The following ADAMTSL1 variants were observed in gnomAD, a reference collection of about 807,000 sequenced individuals.
The protein encoded by ADAMTSL1 is ADAMTS like 1, also known as ADAMTS-like protein 1.
ADAMTSL1 carries 126 observed loss-of-function variants against 201.8 expected under a neutral mutation model. The observed-to-expected ratio is 0.62, with a 90% CI of 0.54 to 0.72. The LOEUF (loss-of-function observed/expected upper bound fraction) is 0.72. Among genes scored for constraint, ADAMTSL1 ranks in the 30% least tolerant of loss-of-function variants. The pLI is 0.00. For synonymous variants in ADAMTSL1, 1,121 were observed against 903.4 expected, an observed-to-expected ratio of 1.24 and a Z score of -4.32; for missense variants, 2,679 against 2,277.8, an observed-to-expected ratio of 1.18 and a Z score of -3.59.
intron 2 of ADAMTSL1, among the ~76,000 whole-genome samples, chr9:18,234,292 GT>G (rs1248047101): frequency 6.6e-6 from 1 of 152,144 alleles, no homozygotes; most frequent in East Asian, 1.9e-4. Flanking sequence ...AGGACTCAGA[GT>G]TTAATATAAA....
At chr9:18,650,695 C>T (rs1052834885) in intron 7 of ADAMTSL1, among the ~76,000 whole-genome samples, 4 of 152,208 alleles carry the variant, frequency 2.6e-5, no homozygotes, top group South Asian at 2.1e-4. Context: ...TCTCTTGCCA[C>T]CTTTAAAACT....
chr9:18,564,330 G>C (rs758656510), intron 3 of ADAMTSL1, among the ~76,000 whole-genome samples: 12 of 152,066 alleles, frequency 7.9e-5, no homozygotes, highest in Non-Finnish European at 1.5e-4. Flanking sequence ...CTCACCCTCC[G>C]TGGATTGCAG....
intron 1 of ADAMTSL1, among the ~76,000 whole-genome samples, chr9:18,022,529 G>T (rs749872865): frequency 8.6e-5 from 13 of 151,774 alleles, no homozygotes; most frequent in Admixed American, 3.9e-4. Context: ...GTCGCATAAA[G>T]AAAACGTAAT....
At chr9:17,912,214 C>T (rs1164179007) in intron 1 of ADAMTSL1, among the ~76,000 whole-genome samples, 1 of 64,970 alleles carries the variant, frequency 1.5e-5, no homozygotes, top group African/African-American at 3.1e-5. Flanking sequence ...AATGGGATGG[C>T]TGGGTCAAAT....
intron 1 of ADAMTSL1, among the ~76,000 whole-genome samples, chr9:18,064,086 C>T (rs1822586659): frequency 6.6e-6 from 1 of 152,176 alleles, no homozygotes; most frequent in Admixed American, 6.5e-5. Flanking sequence ...GATGCTCCTA[C>T]TGTTGCTCCA....
intron 2 of ADAMTSL1, among the ~76,000 whole-genome samples, chr9:18,173,454 C>T (rs1227555944): frequency 6.6e-6 from 1 of 152,040 alleles, no homozygotes; most frequent in African/African-American, 2.4e-5. Flanking sequence ...TCTTTTTTTA[C>T]ACTTGACCTT....
intron 23 of ADAMTSL1, among the ~76,000 whole-genome samples, chr9:18,832,371 T>C (rs540950270): frequency 2.6e-5 from 4 of 152,312 alleles, no homozygotes; most frequent in African/African-American, 9.6e-5. Flanking sequence ...GTAGGGTTGC[T>C]GAGAAATTAA....
At chr9:18,798,258 T>G (rs1173405210) in intron 20 of ADAMTSL1, among the ~76,000 whole-genome samples, 1 of 152,216 alleles carries the variant, frequency 6.6e-6, no homozygotes, top group Non-Finnish European at 1.5e-5. Context: ...GTTAAAATCA[T>G]GGGCTCTGGA....
At chr9:18,690,426 G>A (rs919730453) in intron 13 of ADAMTSL1, among the ~76,000 whole-genome samples, 2 of 152,018 alleles carry the variant, frequency 1.3e-5, no homozygotes, top group African/African-American at 4.8e-5. Context: ...TCATTTATGG[G>A]TCCATATAGT....
At chr9:18,160,118 T>C (rs1827319563) in intron 1 of ADAMTSL1, among the ~76,000 whole-genome samples, 1 of 152,050 alleles carries the variant, frequency 6.6e-6, no homozygotes, top group Admixed American at 6.6e-5. Context: ...AATTCTATTC[T>C]GGAAGCTGGT....
chr9:18,231,880 G>T (rs978401607), intron 2 of ADAMTSL1, among the ~76,000 whole-genome samples: 1 of 152,080 alleles, frequency 6.6e-6, no homozygotes, highest in Non-Finnish European at 1.5e-5. Flanking sequence ...TCTACCCTCA[G>T]TCTTACCACC....
intron 2 of ADAMTSL1, among the ~76,000 whole-genome samples, chr9:18,289,515 G>A (rs1403729148): frequency 1.3e-5 from 2 of 152,158 alleles, no homozygotes; most frequent in African/African-American, 4.8e-5. Flanking sequence ...GAATACCAGG[G>A]TGGTGTATAG....
intron 1 of ADAMTSL1, among the ~76,000 whole-genome samples, chr9:18,031,214 C>T (rs1820940672): frequency 6.6e-6 from 1 of 152,182 alleles, no homozygotes; most frequent in South Asian, 2.1e-4. Flanking sequence ...TGAAAAAACA[C>T]TCTGAATTTT....
intron 23 of ADAMTSL1, among the ~76,000 whole-genome samples, chr9:18,845,823 A>AAACTGTGTTTGGAATACAGGACCC (rs2131345315): frequency 6.6e-6 from 1 of 152,342 alleles, no homozygotes; most frequent in South Asian, 2.1e-4. Flanking sequence ...GCTGGTATGA[A>AAACTGTGTTTGGAATACAGGACCC]AACTGTGTTT....
At chr9:18,627,599 A>C (rs1373799961) in intron 5 of ADAMTSL1, among the ~76,000 whole-genome samples, 3 of 152,154 alleles carry the variant, frequency 2.0e-5, no homozygotes, top group Non-Finnish European at 4.4e-5. Context: ...GAGCCTATGC[A>C]CATTCTTTGG....
intron 2 of ADAMTSL1, among the ~76,000 whole-genome samples, chr9:18,330,586 G>A (rs1460532032): frequency 2.0e-5 from 3 of 152,164 alleles, no homozygotes; most frequent in Non-Finnish European, 4.4e-5. Context: ...TGTGCCAGGT[G>A]TTTTATCTCA....
intron 4 of ADAMTSL1, among the ~76,000 whole-genome samples, chr9:18,602,357 A>T (rs1171967687): frequency 6.6e-6 from 1 of 152,244 alleles, no homozygotes; most frequent in South Asian, 2.1e-4. Context: ...TCTTTAGCCA[A>T]AAGTTCACCA....
chr9:18,360,915 G>T (rs542089851), intron 2 of ADAMTSL1, among the ~76,000 whole-genome samples: 1 of 152,034 alleles, frequency 6.6e-6, no homozygotes, highest in Non-Finnish European at 1.5e-5. Context: ...CCCATCTCCT[G>T]CTTTCCCTGC....
intron 2 of ADAMTSL1, among the ~76,000 whole-genome samples, chr9:18,441,520 G>T (rs111227359): frequency 8.3e-4 from 127 of 152,218 alleles, no homozygotes; most frequent in African/African-American, 2.9e-3. Context: ...TTCTGTTGGG[G>T]ATAGAAAGGA....
Sources: allele counts gnomAD v4.1 joint callset (sites outside exome capture counted in the v4.1 genomes callset), GRCh38; gene constraint gnomAD v4.1.1; transcripts MANE v1.5; gene names NCBI Gene and HGNC (gene_info 2026-07-23, HGNC 2026-07-21).